Variants in STK31 observed in about 807,000 individuals in gnomAD.
The protein encoded by STK31 is serine/threonine kinase 31, also known as serine/threonine-protein kinase 31.
Under a neutral mutation model 129.7 loss-of-function variants are expected in STK31, and 89 were observed. That is an observed-to-expected ratio of 0.69 (90% confidence interval 0.58 to 0.82). The LOEUF is 0.82. Among genes scored for constraint, STK31 ranks in the 40% least tolerant of loss-of-function variants. The pLI, the probability that STK31 is intolerant of heterozygous loss-of-function variation, is 0.00. For synonymous variants in STK31, 448 were observed against 395.3 expected, an observed-to-expected ratio of 1.13 and a Z score of -1.58; for missense variants, 1,187 against 1,176.4, an observed-to-expected ratio of 1.01 and a Z score of -0.13.
intron 23 of STK31, among the ~76,000 whole-genome samples, chr7:23,827,820 C>T (rs2128133268): frequency 6.6e-6 from 1 of 152,296 alleles, no homozygotes; most frequent in East Asian, 1.9e-4. Context: ...ACAGTCAGGA[C>T]CCTCTGCTGC....
chr7:23,788,222 A>G, intron 21 of STK31, 93 bp downstream of exon 21: 1 of 1,115,326 alleles, frequency 9.0e-7, no homozygotes, highest in East Asian at 3.0e-5. Flanking sequence ...ATACTTTATT[A>G]TAGGATCTTT....
intron 17 of STK31, among the ~76,000 whole-genome samples, chr7:23,785,038 G>T (rs1475479904): frequency 1.3e-5 from 2 of 152,084 alleles, no homozygotes; most frequent in Non-Finnish European, 2.9e-5. Context: ...TGGTTACATG[G>T]ATAAGTTCTT....
intron 6 of STK31, among the ~76,000 whole-genome samples, chr7:23,731,988 C>T (rs945081238): frequency 6.6e-6 from 1 of 152,118 alleles, no homozygotes; most frequent in Non-Finnish European, 1.5e-5. Flanking sequence ...GCCTTATGTT[C>T]TAAACCAGTG....
Position 23,733,177 on chromosome 7 carries a change from T to C in STK31, c.484-2361T>C, listed in dbSNP as rs1787528947. Among the ~76,000 whole-genome samples, 3 of 152,164 alleles carry C rather than the reference T, an allele frequency of 2.0e-5. No homozygotes were observed. In the South Asian group the frequency reaches 6.2e-4, roughly 31 times the overall value. On this transcript the variant is annotated intron_variant, in intron 6 of 23. Coordinates refer to ENST00000355870, the MANE Select transcript of STK31 (RefSeq NM_031414.5). ...GTGTTTTTGTTAACCTAAAGTATTA[T>C]AGGAATTTTATGCCTTGAAAAATTT...
intron 23 of STK31, among the ~76,000 whole-genome samples, chr7:23,816,544 G>C (rs767278215): frequency 5.3e-5 from 8 of 152,200 alleles, no homozygotes; most frequent in African/African-American, 1.9e-4. Context: ...AGATGAATAT[G>C]CCTCTAACCT....
At chr7:23,783,538 A>G in intron 16 of STK31, 45 bp from the exon 17 acceptor site, 10 of 1,390,130 alleles carry the variant, frequency 7.2e-6, no homozygotes, top group Non-Finnish European at 1.0e-5. Flanking sequence ...TCAAAATTGA[A>G]TATATATTGA....
chr7:23,723,933 G>A (rs1280939776), intron 4 of STK31, among the ~76,000 whole-genome samples: 2 of 152,142 alleles, frequency 1.3e-5, no homozygotes, highest in African/African-American at 4.8e-5. Flanking sequence ...CAAAGAGACG[G>A]CTAATGCTCA....
chr7:23,728,428 A>G (rs890163842), intron 5 of STK31, among the ~76,000 whole-genome samples: 1 of 152,176 alleles, frequency 6.6e-6, no homozygotes, highest in African/African-American at 2.4e-5. Flanking sequence ...TTTTGCTGTC[A>G]TAGAAAATGG....
At chr7:23,771,221 A>T (rs1790170970) in intron 14 of STK31, 97 bp downstream of exon 14, 1 of 1,150,978 alleles carries the variant, frequency 8.7e-7, no homozygotes, top group East Asian at 2.9e-5. Flanking sequence ...CAGTGTCAGT[A>T]AATTGTTATT....
chr7:23,726,301 C>A (rs1241240614), intron 4 of STK31: 3 of 151,862 alleles, frequency 2.0e-5, no homozygotes, highest in Non-Finnish European at 1.5e-5. Context: ...ATGCACAGGA[C>A]AGAGGACAGC....
intron 4 of STK31, among the ~76,000 whole-genome samples, chr7:23,718,043 A>C (rs184723704): frequency 5.9e-5 from 9 of 152,306 alleles, no homozygotes; most frequent in African/African-American, 2.2e-4. Flanking sequence ...GAACAGTATG[A>C]ATGTACTTAA....
chr7:23,803,811 A>T (rs116516365), intron 22 of STK31, among the ~76,000 whole-genome samples: 1 of 152,136 alleles, frequency 6.6e-6, no homozygotes, highest in Non-Finnish European at 1.5e-5. Flanking sequence ...ATTTAGTGAG[A>T]ACACAGAGTA....
chr7:23,769,026 G>T lies in STK31; in HGVS notation c.1448G>T (p.Gly483Val). Residue 483 changes from glycine (G) to valine (V), a missense_variant, in exon 12 of 24, where the codon GGA becomes GTA. Physicochemically the swap from Gly to Val is moderately radical, Grantham distance 109 (BLOSUM62 -3). This residue lies in a region of STK31 where 975 missense variants were observed against 934.9 expected (regional missense o/e 1.04). Transcript: ENST00000355870. ...DLSVSLEAVYGQAKEGANSDE... is the reference protein window; with the variant it reads ...DLSVSLEAVYVQAKEGANSDE... ...TCAGTCTCTTTAGAAGCAGTGTATG[G>T]ACAAGCCAAAGAAGGAGCAAATTCT... The T allele has an allele frequency of 6.2e-7, 1 of 1,611,698 alleles. No individual in the cohort carries two copies. Among genetic ancestry groups the T allele is most frequent in the Non-Finnish European group, 8.5e-7 (1 of 1,178,808 alleles).
intron 23 of STK31, among the ~76,000 whole-genome samples, chr7:23,816,924 G>A (rs1163670643): frequency 4.6e-5 from 7 of 152,070 alleles, no homozygotes; most frequent in East Asian, 1.9e-4. Context: ...GGTGGCTCAC[G>A]CCTGTAATCC....
rs1377913235 is a variant in STK31, at chr7:23,762,079, T to TTTTTA, written c.1294-713_1294-709dup. On this transcript the variant is annotated intron_variant, in intron 10 of 23. Coordinates refer to ENST00000355870, the MANE Select transcript of STK31 (RefSeq NM_031414.5). ...GTTATAGGTAATAGAGATTAAAACT[T>TTTTTA]TTTTATTTTATTTCATTTTATTATT... Among the ~76,000 whole-genome samples the TTTTTA allele has an allele frequency of 1.6e-4, 24 of 151,506 alleles. 1 individual carries two copies. The highest frequency in any genetic ancestry group is 1.5e-3 in the South Asian group (7 of 4,820).
At chr7:23,754,091 G>T (rs949122492) in intron 9 of STK31, among the ~76,000 whole-genome samples, 8 of 151,852 alleles carry the variant, frequency 5.3e-5, no homozygotes, top group African/African-American at 1.9e-4. Context: ...ATCCACAGTT[G>T]TTTTTTAATT....
At chr7:23,822,766 T>A (rs1003988413) in intron 23 of STK31, among the ~76,000 whole-genome samples, 1 of 151,976 alleles carries the variant, frequency 6.6e-6, no homozygotes, top group Non-Finnish European at 1.5e-5. Context: ...CCCACAACAG[T>A]CCCCGGTATG....
At chr7:23,784,087 T>A (rs1791106176) in intron 17 of STK31, among the ~76,000 whole-genome samples, 1 of 152,030 alleles carries the variant, frequency 6.6e-6, no homozygotes, top group Non-Finnish European at 1.5e-5. Flanking sequence ...AAGGTAGAGA[T>A]GTTGAGGTGG....
At chr7:23,778,590 A>C (rs145405277) in intron 15 of STK31, among the ~76,000 whole-genome samples, 2 of 151,652 alleles carry the variant, frequency 1.3e-5, no homozygotes, top group Admixed American at 6.6e-5. Context: ...TTGATCTTCA[A>C]TGTCTGATAT....
Sources: gnomAD v4.1 joint callset for allele counts (sites outside exome capture counted in the v4.1 genomes callset) on GRCh38, gnomAD v4.1.1 for gene constraint, gnomAD v4.1.1 regional missense constraint, MANE v1.5 for transcripts, NCBI Gene and HGNC (gene_info 2026-07-23, HGNC 2026-07-21) for gene names.